ARHGAP39: variants seen among roughly 807,000 people sequenced by gnomAD.
ARHGAP39 encodes the protein Rho GTPase activating protein 39.
ARHGAP39 carries 44 observed loss-of-function variants against 106.9 expected under a neutral mutation model. The ratio of observed to expected loss-of-function variants is 0.41; its 90% CI spans 0.32 to 0.53. ARHGAP39 has a LOEUF of 0.53. Ranked by LOEUF, ARHGAP39 falls within the 20% of genes least tolerant of loss-of-function variation. The pLI, the probability that ARHGAP39 is intolerant of heterozygous loss-of-function variation, is 0.21. For missense variants in ARHGAP39, 1,496 were observed against 1,577.3 expected (o/e 0.95, Z 0.87); for synonymous variants, 768 against 693.2 (o/e 1.11, Z -1.69).
rs1314748113 is a variant in ARHGAP39, at chr8:144,604,256, G to C, written c.80+1279C>G. 6.6e-6 allele frequency among the ~76,000 whole-genome samples: 1 copy of C among 152,192 alleles called. No individual in the cohort carries two copies. The highest frequency in any genetic ancestry group is 6.5e-5 in the Admixed American group (1 of 15,280). On this transcript the variant is annotated intron_variant, in intron 2 of 11. Coordinates refer to ENST00000377307, the MANE Select transcript of ARHGAP39 (RefSeq NM_025251.3). The surrounding 1 kb of genome is among the most constrained non-coding windows in gnomAD (Gnocchi z 4.1). ...CTCTGTCGGGGTCAGAGGTCATGTTGCCAGGTGAGGGGCAGATGGACAGCA... is the reference window on the plus strand; with the variant it reads ...CTCTGTCGGGGTCAGAGGTCATGTTCCCAGGTGAGGGGCAGATGGACAGCA...
intron 1 of ARHGAP39, among the ~76,000 whole-genome samples, chr8:144,682,813 C>G (rs1822461980): frequency 6.6e-6 from 1 of 152,044 alleles, no homozygotes; most frequent in African/African-American, 2.4e-5. Context: ...GAGTTTGAGA[C>G]CAATCTGGGT....
At position 144,671,540 on chromosome 8, in the gene ARHGAP39, C is replaced by T. The variant is rs1399597445; in HGVS notation, c.-82+14146G>A. On this transcript the variant is annotated intron_variant, in intron 1 of 11. Transcript: ENST00000377307. The surrounding 1 kb of genome is among the most constrained non-coding windows in gnomAD (Gnocchi z 4.5). Reference sequence around the variant, plus strand: ...CCAGATGCCTGCTCACCTGGGCTCTCGCCAACACTCCAGTCACAGAGCTGC... The same window carrying T: ...CCAGATGCCTGCTCACCTGGGCTCTTGCCAACACTCCAGTCACAGAGCTGC... Among the ~76,000 whole-genome samples the T allele has an allele frequency of 1.3e-5, 2 of 152,214 alleles. No individual in the cohort carries two copies. The highest frequency in any genetic ancestry group is 6.5e-5 in the Admixed American group (1 of 15,290).
intron 3 of ARHGAP39, among the ~76,000 whole-genome samples, chr8:144,576,507 G>A (rs906248905): frequency 6.6e-6 from 1 of 152,166 alleles, no homozygotes; most frequent in Non-Finnish European, 1.5e-5. Flanking sequence ...ACAGGGCAGG[G>A]CTAAGGCCAG....
intron 3 of ARHGAP39, among the ~76,000 whole-genome samples, chr8:144,566,106 A>C (rs1818386752): frequency 6.6e-6 from 1 of 152,018 alleles, no homozygotes; most frequent in African/African-American, 2.4e-5. Flanking sequence ...CAACAAAAAA[A>C]GTTTTGTTTT....
intron 2 of ARHGAP39, among the ~76,000 whole-genome samples, chr8:144,596,982 G>A (rs1365809092): frequency 6.6e-6 from 1 of 152,214 alleles, no homozygotes; most frequent in African/African-American, 2.4e-5. Flanking sequence ...CAGGTCTAAC[G>A]CCATGAGATG....
chr8:144,617,494 G>A (rs923595410), intron 1 of ARHGAP39, among the ~76,000 whole-genome samples: 2 of 151,634 alleles, frequency 1.3e-5, no homozygotes, highest in Non-Finnish European at 2.9e-5. Flanking sequence ...CGCAAACCAG[G>A]AGACCCCTCC....
the ARHGAP39 span, among the ~76,000 whole-genome samples, chr8:144,691,190 AT>A: frequency 6.6e-6 from 1 of 152,104 alleles, no homozygotes; most frequent in Non-Finnish European, 1.5e-5. Context: ...GGGAAACAGG[AT>A]TGATTTGCAG....
chr8:144,637,437 C>T (rs1475797909), intron 1 of ARHGAP39, among the ~76,000 whole-genome samples: 4 of 152,008 alleles, frequency 2.6e-5, no homozygotes, highest in East Asian at 1.9e-4. Flanking sequence ...TGGTGAAACC[C>T]GGTCTCTACT....
intron 4 of ARHGAP39, among the ~76,000 whole-genome samples, chr8:144,554,054 C>T (rs181329542): frequency 5.9e-5 from 9 of 152,244 alleles, no homozygotes; most frequent in Non-Finnish European, 1.3e-4. Flanking sequence ...CAGGCTGAAT[C>T]GTCAGCCAGG....
rs1418697132 is a variant in ARHGAP39, at chr8:144,663,611, G to A, written c.-82+22075C>T. On this transcript the variant is annotated intron_variant, in intron 1 of 11. Coordinates refer to ENST00000377307, the MANE Select transcript of ARHGAP39 (RefSeq NM_025251.3). The stretch of plus-strand genomic sequence containing the variant: ...CCTCCTTCCTGCTCCTAGGCCTCAC[G>A]TGGCAGGAGGCTCCACGCTCAGCCC... 3.9e-5 allele frequency among the ~76,000 whole-genome samples: 6 copies of A among 152,202 alleles called. No homozygotes were observed. In the East Asian group the frequency reaches 9.7e-4, roughly 25 times the overall value.
intron 1 of ARHGAP39, among the ~76,000 whole-genome samples, chr8:144,621,984 A>C (rs772531469): frequency 6.6e-6 from 1 of 152,262 alleles, no homozygotes; most frequent in African/African-American, 2.4e-5. Context: ...CAGAATGCAC[A>C]ATGTTAAGGG....
chr8:144,547,822 G>C lies in ARHGAP39; in HGVS notation c.1264C>G (p.Pro422Ala), dbSNP rs570034131. The C allele has an allele frequency of 1.3e-4, 207 of 1,591,466 alleles. 4 individuals carry two copies. In the South Asian group the frequency reaches 2.3e-3, roughly 18 times the overall value. The change falls in exon 5 of 12, where the codon CCC becomes GCC. Residue 422 changes from proline to alanine, a missense_variant. Physicochemically the swap from Pro to Ala is conservative, Grantham distance 27. Transcript: ENST00000377307. This position sits in a 1 kb window ranked among gnomAD's most constrained non-coding sequence, Gnocchi z 5.2. Reference sequence around the variant, plus strand: ...TGCAAGGAGTACGAACCACCGCCGGGGTTGGGCGCGTACTTGTGCCGCGGG... The same window carrying C: ...TGCAAGGAGTACGAACCACCGCCGGCGTTGGGCGCGTACTTGTGCCGCGGG... ...AGPRHKYAPNPGGGSYSLQPS... is the reference protein window; with the variant it reads ...AGPRHKYAPNAGGGSYSLQPS...
chr8:144,533,159 G>A lies in ARHGAP39; in HGVS notation c.2855C>T (p.Ala952Val). The A allele has an allele frequency of 3.7e-6, 6 of 1,609,346 alleles. No homozygotes were observed. Among genetic ancestry groups the A allele is most frequent in the Non-Finnish European group, 5.1e-6 (6 of 1,179,416 alleles). The part of the protein sequence containing the change: ...VQTRLSEEVL[A>V]LNGDQTEGIF... ...GCCCTCTGTCTGGTCACCGTTGAGC[G>A]CCAGCACCTCCTCAGAGAGCCGTGT... The change falls in exon 9 of 12, where the codon GCG becomes GTG. Residue 952 changes from alanine to valine, a missense_variant. Ala to Val is a moderately conservative substitution (Grantham distance 64). Coordinates refer to ENST00000377307, the MANE Select transcript of ARHGAP39 (RefSeq NM_025251.3).
intron 1 of ARHGAP39, among the ~76,000 whole-genome samples, chr8:144,621,000 C>T (rs1053284640): frequency 1.3e-5 from 2 of 152,276 alleles, no homozygotes; most frequent in Non-Finnish European, 2.9e-5. Flanking sequence ...CCTGTGAAGG[C>T]CTGCTTTGCA....
intron 2 of ARHGAP39, among the ~76,000 whole-genome samples, chr8:144,584,606 T>C (rs538640378): frequency 4.6e-5 from 7 of 152,080 alleles, no homozygotes; most frequent in Admixed American, 3.3e-4. Context: ...CTACTAAAAA[T>C]ACAAAAATTA....
intron 3 of ARHGAP39, among the ~76,000 whole-genome samples, chr8:144,565,872 G>A (rs982802523): frequency 1.3e-5 from 2 of 149,660 alleles, no homozygotes; most frequent in South Asian, 2.1e-4. Flanking sequence ...CGGGAGGATC[G>A]CTTGAGCCCA....
the ARHGAP39 span, among the ~76,000 whole-genome samples, chr8:144,694,252 G>A: frequency 3.3e-5 from 5 of 152,190 alleles, no homozygotes; most frequent in African/African-American, 1.2e-4. Context: ...AGCAAGAGCT[G>A]GAGCCAAAAG....
intron 2 of ARHGAP39, among the ~76,000 whole-genome samples, chr8:144,602,996 CGTGG>C (rs1820115353): frequency 9.9e-6 from 1 of 101,358 alleles, no homozygotes; most frequent in African/African-American, 4.4e-5. Context: ...TGTGCATGTG[CGTGG>C]AGGTGTGTGT....
intron 3 of ARHGAP39, among the ~76,000 whole-genome samples, chr8:144,574,605 C>T (rs1337416950): frequency 1.3e-5 from 2 of 152,112 alleles, no homozygotes; most frequent in East Asian, 1.9e-4. Flanking sequence ...ACCCAGGAGG[C>T]GGAGCTTGCA....
Sources: gnomAD v4.1 joint callset for allele counts (sites outside exome capture counted in the v4.1 genomes callset) on GRCh38, gnomAD v4.1.1 for gene constraint, Gnocchi (gnomAD v3.1) non-coding constraint, MANE v1.5 for transcripts, NCBI Gene and HGNC (gene_info 2026-07-23, HGNC 2026-07-21) for gene names.